The following HOATZ variants were observed in gnomAD, a reference collection of about 807,000 sequenced individuals.
HOATZ encodes the protein cilia- and flagella-associated protein HOATZ.
Under a neutral mutation model 24.9 loss-of-function variants are expected in HOATZ, and 26 were observed. The ratio of observed to expected loss-of-function variants is 1.04; its 90% CI spans 0.76 to 1.45. The LOEUF (loss-of-function observed/expected upper bound fraction) is 1.45, where lower values mean the gene tolerates loss of function less well. HOATZ is among the 40% of genes most tolerant of loss of function. The pLI, the probability that HOATZ is intolerant of heterozygous loss-of-function variation, is 0.00. For missense variants in HOATZ, 226 were observed against 201.5 expected, an observed-to-expected ratio of 1.12 and a Z score of -0.74; for synonymous variants, 83 against 76.6, an observed-to-expected ratio of 1.08 and a Z score of -0.43.
At position 111,514,930 on chromosome 11, in the gene HOATZ, C is replaced by T; in HGVS notation, c.146C>T (p.Pro49Leu). The T allele has an allele frequency of 1.2e-6, 2 of 1,614,038 alleles. No individual in the cohort carries two copies. The highest frequency in any genetic ancestry group is 1.3e-5 in the African/African-American group (1 of 75,038). ...TGGATCTCGGCGTCGATGTATCCCC[C>T]TAGCGAATCTCAGCTGGTGCTGCGC... ...QFWISASMYP[P>L]SESQLVLRRD... The change falls in exon 1 of 6, where the codon CCT (proline) becomes CTT (leucine). Residue 49 changes from proline (P) to leucine (L), a missense_variant. Physicochemically the swap from Pro to Leu is moderately conservative, Grantham distance 98. Coordinates refer to ENST00000375618, the MANE Select transcript of HOATZ (RefSeq NM_001100388.2).
intron 3 of HOATZ, among the ~76,000 whole-genome samples, chr11:111,522,386 C>T (rs1407329756): frequency 6.6e-6 from 1 of 152,154 alleles, no homozygotes; most frequent in Admixed American, 6.5e-5. Flanking sequence ...TATTGAAGAA[C>T]TGGAATGATT....
Position 111,536,800 on chromosome 11 carries a change from C to T in HOATZ, c.483C>T (p.Asp161=), listed in dbSNP as rs923073098. 3 of 1,613,672 alleles carry T rather than the reference C, an allele frequency of 1.9e-6. No homozygotes were observed. The highest frequency in any genetic ancestry group is 4.5e-5 in the East Asian group (2 of 44,830). The change falls in exon 6 of 6, where the codon GAC becomes GAT. Residue 161 remains aspartate, a synonymous_variant. Transcript: ENST00000375618. ...KKVVSESDKE[D]QEEVKTLD ...TGGTATCAGAGTCAGATAAAGAGGA[C>T]CAAGAAGAAGTCAAAACTTTGGACT...
At chr11:111,515,972 T>G (rs1333380991) in intron 2 of HOATZ, 68 bp from the exon 3 acceptor site, 1 of 1,085,786 alleles carries the variant, frequency 9.2e-7, no homozygotes. Flanking sequence ...ATGTCCAATT[T>G]TATATCAATT....
At chr11:111,515,940 T>A (rs979056421) in intron 2 of HOATZ, 100 bp from the exon 3 acceptor site, 1 of 770,562 alleles carries the variant, frequency 1.3e-6, no homozygotes, top group Non-Finnish European at 2.1e-6. Context: ...ACCTTCCTAC[T>A]CTATGTATTC....
At chr11:111,518,131 G>A (rs571442659) in intron 3 of HOATZ, among the ~76,000 whole-genome samples, 2 of 152,336 alleles carry the variant, frequency 1.3e-5, no homozygotes, top group African/African-American at 4.8e-5. Flanking sequence ...ACCTAAACAT[G>A]CATAGTATCT....
chr11:111,520,064 A>G (rs1240631605), intron 3 of HOATZ, among the ~76,000 whole-genome samples: 1 of 152,202 alleles, frequency 6.6e-6, no homozygotes, highest in Non-Finnish European at 1.5e-5. Flanking sequence ...ATCAAAAACA[A>G]TTGAGCCTGT....
chr11:111,527,104 G>A (rs1168267954), intron 3 of HOATZ, among the ~76,000 whole-genome samples: 1 of 152,106 alleles, frequency 6.6e-6, no homozygotes, highest in East Asian at 1.9e-4. Flanking sequence ...GCCTTTTAAA[G>A]CAATATTAAA....
intron 3 of HOATZ, among the ~76,000 whole-genome samples, chr11:111,517,095 CTACATAAAT>C (rs1418421579): frequency 6.6e-6 from 1 of 152,192 alleles, no homozygotes; most frequent in Non-Finnish European, 1.5e-5. Flanking sequence ...ATCGGGAATT[CTACATAAAT>C]TACAAAACAA....
Position 111,536,980 on chromosome 11 carries a change from G to C in HOATZ, c.*153G>C, listed in dbSNP as rs754675114. On this transcript the variant is annotated 3_prime_UTR_variant, in exon 6 of 6. Transcript: ENST00000375618. ...AGACTTCCAGGAATTTTACCAGTTA[G>C]TGAGTACTTGTGTTAAAATAAAGAA... The C allele has an allele frequency of 3.3e-6, 2 of 603,264 alleles. No homozygotes were observed. Among genetic ancestry groups the C allele is most frequent in the Non-Finnish European group, 5.9e-6 (2 of 337,994 alleles). 37.4% of individuals were successfully genotyped at this position (603,264 alleles called of 1,614,324 possible). A position where few individuals can be genotyped will look rare whatever the true frequency, so the allele number is the denominator to read the frequency against.
chr11:111,516,554 A>ATG (rs1565484698), intron 3 of HOATZ, among the ~76,000 whole-genome samples: 4 of 152,098 alleles, frequency 2.6e-5, no homozygotes, highest in Non-Finnish European at 5.9e-5. Flanking sequence ...TACAAAAAAA[A>ATG]AAAAAATTTT....
intron 3 of HOATZ, among the ~76,000 whole-genome samples, chr11:111,522,999 C>T (rs1034676454): frequency 2.6e-5 from 4 of 152,108 alleles, no homozygotes; most frequent in South Asian, 2.1e-4. Context: ...ATAGGAGAAT[C>T]GCTTGAGCCT....
intron 3 of HOATZ, among the ~76,000 whole-genome samples, chr11:111,520,350 A>G (rs1289221170): frequency 6.6e-6 from 1 of 152,172 alleles, no homozygotes; most frequent in Non-Finnish European, 1.5e-5. Context: ...CATATATGTA[A>G]ATGACAGATT....
At chr11:111,519,920 G>T (rs530196675) in intron 3 of HOATZ, among the ~76,000 whole-genome samples, 2 of 152,220 alleles carry the variant, frequency 1.3e-5, no homozygotes, top group South Asian at 4.1e-4. Context: ...AGTTGTTACA[G>T]TTTTTTGCAC....
At chr11:111,524,897 T>G (rs1430979858) in intron 3 of HOATZ, 2 of 448,228 alleles carry the variant, frequency 4.5e-6, no homozygotes, top group Admixed American at 4.9e-5. Context: ...GGTCTCACTC[T>G]GTCACCCAGA....
Position 111,515,560 on chromosome 11 carries a change from C to T in HOATZ, c.268+8C>T, listed in dbSNP as rs762354787. The T allele has an allele frequency of 3.7e-5, 59 of 1,611,044 alleles. 1 individual carries two copies. In the Middle Eastern group the frequency reaches 5.0e-4, roughly 14 times the overall value. ...TTCACCTTGCGAGTAACAGTAAGTA[C>T]CAAGTTTTATGCCTTTCAACATTCT... is the stretch of plus-strand genomic sequence containing the variant. On this transcript the variant is annotated splice_region_variant and intron_variant, in intron 2 of 5. Transcript: ENST00000375618.
rs757324295 is a variant in HOATZ at position 111,515,996 on chromosome 11, A to G, written c.269-44A>G. The G allele has an allele frequency of 1.3e-5, 16 of 1,266,928 alleles. No individual in the cohort carries two copies. The East Asian group carries it at 3.7e-4, about 30-fold the overall frequency. The allele number at this position is 1,266,928 out of a possible 1,614,324, so 78.5% of individuals were successfully genotyped here. On this transcript the variant is annotated intron_variant, in intron 2 of 5. Coordinates refer to ENST00000375618, the MANE Select transcript of HOATZ (RefSeq NM_001100388.2). ...TTTATATCAATTTTAGTATAAAATC[A>G]TAATAAAATTATTTCAGATTGAATT...
At chr11:111,527,593 C>A (rs552696411) in intron 3 of HOATZ, among the ~76,000 whole-genome samples, 3 of 152,298 alleles carry the variant, frequency 2.0e-5, no homozygotes, top group African/African-American at 7.2e-5. Context: ...GGAAAGCCTT[C>A]TCACTGATTA....
intron 3 of HOATZ, 150 bp downstream of exon 3, chr11:111,516,260 A>T: frequency 1.8e-6 from 1 of 553,022 alleles, no homozygotes; most frequent in Non-Finnish European, 3.2e-6. Flanking sequence ...TTAATTGAAA[A>T]TTTAAAAATT....
intron 3 of HOATZ, among the ~76,000 whole-genome samples, chr11:111,531,484 G>T (rs1867392812): frequency 6.6e-6 from 1 of 152,214 alleles, no homozygotes; most frequent in Admixed American, 6.5e-5. Flanking sequence ...ATCACAGTAT[G>T]AGAGCAATTA....
Sources: gnomAD v4.1 joint callset for allele counts (sites outside exome capture counted in the v4.1 genomes callset) on GRCh38, gnomAD v4.1.1 for gene constraint, MANE v1.5 for transcripts, NCBI Gene and HGNC (gene_info 2026-07-23, HGNC 2026-07-21) for gene names.